The following TBCK variants were observed in gnomAD, a reference collection of about 807,000 sequenced individuals.
TBCK encodes the protein TBC1 domain containing kinase, also known as TBC domain-containing protein kinase-like protein.
Under a neutral mutation model 113.4 loss-of-function variants are expected in TBCK, and 99 were observed. That is an observed-to-expected ratio of 0.87 (90% CI 0.74 to 1.03). TBCK has a LOEUF of 1.03. TBCK is among the 50% of genes least tolerant of loss of function. The pLI, the probability that TBCK is intolerant of heterozygous loss-of-function variation, is 0.00. For synonymous variants in TBCK, 369 were observed against 370.8 expected, an observed-to-expected ratio of 1.00 and a Z score of 0.05; for missense variants, 1,045 against 1,061.3, an observed-to-expected ratio of 0.98 and a Z score of 0.21.
In TBCK at chr4:106,235,377, C is replaced by A. The variant is rs746561401; in HGVS notation, c.1351-10G>T. On this transcript the variant is annotated splice_polypyrimidine_tract_variant and intron_variant, in intron 14 of 25. Transcript: ENST00000394708. ...TTTTATATGGATAAGCCTATGATAT[C>A]AAAAAAGAAATGAAAACGTCTCAAA... 3 of 1,565,302 alleles carry A rather than the reference C, an allele frequency of 1.9e-6. No individual in the cohort carries two copies. The highest frequency in any genetic ancestry group is 1.2e-5 in the South Asian group (1 of 85,822).
chr4:106,220,180 G>A (rs1316643015), intron 19 of TBCK, among the ~76,000 whole-genome samples: 2 of 152,150 alleles, frequency 1.3e-5, no homozygotes, highest in Non-Finnish European at 2.9e-5. Flanking sequence ...CCCACATGTT[G>A]TGGGAGGGAC....
intron 22 of TBCK, among the ~76,000 whole-genome samples, chr4:106,183,880 T>C (rs1752700856): frequency 6.6e-6 from 1 of 152,090 alleles, no homozygotes; most frequent in African/African-American, 2.4e-5. Flanking sequence ...TATTTGTCCT[T>C]GTTATGATCC....
intron 23 of TBCK, among the ~76,000 whole-genome samples, chr4:106,158,178 T>G (rs2149699888): frequency 6.6e-6 from 1 of 152,210 alleles, no homozygotes; most frequent in Non-Finnish European, 1.5e-5. Context: ...ACATTTTGAT[T>G]AAAAAAGATT....
At chr4:106,312,612 G>A (rs1768321681) in intron 1 of TBCK, among the ~76,000 whole-genome samples, 1 of 151,906 alleles carries the variant, frequency 6.6e-6, no homozygotes, top group Non-Finnish European at 1.5e-5. Context: ...CAAGAAAAAT[G>A]AAAACATTTG....
chr4:106,206,414 C>T lies in TBCK; in HGVS notation c.1860+6336G>A, dbSNP rs547951914. On this transcript the variant is annotated intron_variant, in intron 20 of 25. Coordinates refer to ENST00000394708, the MANE Select transcript of TBCK (RefSeq NM_001163435.3). The stretch of plus-strand genomic sequence containing the variant: ...TCTGAAAGGTAATCAAGCTTCACTA[C>T]GAGAGAGAGACTTTAATAAGCCATT... Among the ~76,000 whole-genome samples the T allele has an allele frequency of 6.5e-4, 99 of 152,184 alleles. 2 individuals carry two copies. Among genetic ancestry groups the T allele is most frequent in the Admixed American group, 1.6e-3 (24 of 15,292 alleles).
intron 3 of TBCK, among the ~76,000 whole-genome samples, chr4:106,282,500 T>C (rs1560962629): frequency 6.6e-6 from 1 of 152,148 alleles, no homozygotes; most frequent in Admixed American, 6.5e-5. Flanking sequence ...CATTATATTC[T>C]TTGATTTTTT....
chr4:106,222,960 T>C (rs1198394501), intron 19 of TBCK, among the ~76,000 whole-genome samples: 1 of 152,124 alleles, frequency 6.6e-6, no homozygotes, highest in Non-Finnish European at 1.5e-5. Context: ...CATATCTTGC[T>C]CTAGCTAAAA....
intron 24 of TBCK, among the ~76,000 whole-genome samples, chr4:106,106,236 T>A (rs190237419): frequency 4.6e-5 from 7 of 152,308 alleles, no homozygotes; most frequent in African/African-American, 1.7e-4. Context: ...ATATCTTCCA[T>A]GAAAACTTCC....
chr4:106,115,928 T>C (rs902067058), intron 24 of TBCK, among the ~76,000 whole-genome samples: 2 of 152,160 alleles, frequency 1.3e-5, no homozygotes, highest in Non-Finnish European at 2.9e-5. Flanking sequence ...TCAAATGCCT[T>C]CAAGAATAGC....
rs183461774 is a variant in TBCK at position 106,303,866 on chromosome 4, G to A, written c.193+4902C>T. ...CCAAGAATAAGCAGTAAGGGTTTTC[G>A]TGTCCTCTGCTCCACCTTTGACATC... On this transcript the variant is annotated intron_variant, in intron 2 of 25. Coordinates refer to ENST00000394708, the MANE Select transcript of TBCK (RefSeq NM_001163435.3). Among the ~76,000 whole-genome samples, 7 of 152,224 alleles carry A rather than the reference G, an allele frequency of 4.6e-5. No homozygotes were observed. The East Asian group carries it at 5.8e-4, about 13-fold the overall frequency.
chr4:106,184,934 T>C (rs1361147580), intron 22 of TBCK, among the ~76,000 whole-genome samples: 1 of 152,048 alleles, frequency 6.6e-6, no homozygotes, highest in African/African-American at 2.4e-5. Flanking sequence ...GGTAGATACT[T>C]TGATGCAAAG....
intron 3 of TBCK, among the ~76,000 whole-genome samples, chr4:106,275,256 T>C (rs1465547190): frequency 1.3e-5 from 2 of 152,158 alleles, no homozygotes; most frequent in African/African-American, 4.8e-5. Context: ...CCTTAGCCAA[T>C]TAGAAATATA....
chr4:106,065,382 G>GT (rs1288068814), intron 25 of TBCK, among the ~76,000 whole-genome samples: 1 of 151,998 alleles, frequency 6.6e-6, no homozygotes, highest in East Asian at 1.9e-4. Context: ...AGCCAAAGAT[G>GT]TAATATCTCA....
chr4:106,195,083 A>C (rs1579199520), intron 20 of TBCK, among the ~76,000 whole-genome samples: 1 of 152,080 alleles, frequency 6.6e-6, no homozygotes, highest in African/African-American at 2.4e-5. Context: ...TCTGTCCATA[A>C]ATCTTCCACC....
intron 1 of TBCK, among the ~76,000 whole-genome samples, chr4:106,311,537 A>T (rs1193414172): frequency 6.6e-6 from 1 of 152,194 alleles, no homozygotes; most frequent in African/African-American, 2.4e-5. Context: ...TTGTAAGAAT[A>T]TATTCAATAA....
chr4:106,214,953 G>C (rs1307253417), intron 19 of TBCK, among the ~76,000 whole-genome samples: 5 of 151,374 alleles, frequency 3.3e-5, no homozygotes, highest in Non-Finnish European at 7.4e-5. Context: ...AAATGTTAAG[G>C]GCAGCCAGAG....
intron 23 of TBCK, among the ~76,000 whole-genome samples, chr4:106,129,257 C>A (rs1745587169): frequency 6.6e-6 from 1 of 152,128 alleles, no homozygotes; most frequent in Non-Finnish European, 1.5e-5. Flanking sequence ...GTATTAAGCC[C>A]CATATGCATT....
chr4:106,187,822 G>A (rs1753199913), intron 22 of TBCK, among the ~76,000 whole-genome samples: 1 of 152,124 alleles, frequency 6.6e-6, no homozygotes, highest in Non-Finnish European at 1.5e-5. Flanking sequence ...GCTATTGTAA[G>A]TGAGATTGTG....
rs185970266 is a variant in TBCK, at chr4:106,095,363, T to C, written c.2571+119A>G. ...TTCCATATAAGAACACAGACAAATC[T>C]TCAAAGCTCATAGTATTTGTGACCA... On this transcript the variant is annotated intron_variant, in intron 25 of 25. Transcript: ENST00000394708. The C allele has an allele frequency of 1.7e-5, 15 of 897,162 alleles. No individual in the cohort carries two copies. The Admixed American group carries it at 4.1e-4, about 25-fold the overall frequency. The allele number at this position is 897,162 out of a possible 1,614,324, so 55.6% of individuals were successfully genotyped here. A position where few individuals can be genotyped will look rare whatever the true frequency, so the allele number is the denominator to read the frequency against.
Sources: gnomAD v4.1 joint callset for allele counts (sites outside exome capture counted in the v4.1 genomes callset) on GRCh38, gnomAD v4.1.1 for gene constraint, MANE v1.5 for transcripts, NCBI Gene and HGNC (gene_info 2026-07-23, HGNC 2026-07-21) for gene names.